Variants in RAD50 observed in about 807,000 individuals in gnomAD.
RAD50 encodes the protein RAD50 double strand break repair protein.
Under a neutral mutation model 168.8 loss-of-function variants are expected in RAD50, and 132 were observed. The ratio of observed to expected loss-of-function variants is 0.78; its 90% CI spans 0.68 to 0.90. RAD50 has a LOEUF of 0.90. Ranked by LOEUF, RAD50 falls within the 40% of genes least tolerant of loss-of-function variation. The pLI, the probability that RAD50 is intolerant of heterozygous loss-of-function variation, is 0.00. For synonymous variants in RAD50, 525 were observed against 497.4 expected, an observed-to-expected ratio of 1.06 and a Z score of -0.74; for missense variants, 1,347 against 1,534.4, an observed-to-expected ratio of 0.88 and a Z score of 2.04.
chr5:132,621,071 CTACTT>C (rs1382244267), intron 21 of RAD50, among the ~76,000 whole-genome samples: 7 of 152,002 alleles, frequency 4.6e-5, no homozygotes, highest in African/African-American at 1.7e-4. Context: ...CGGTTGTATT[CTACTT>C]TAGTTATTTG....
At chr5:132,575,014 C>T (rs533098027) in intron 2 of RAD50, among the ~76,000 whole-genome samples, 20 of 152,330 alleles carry the variant, frequency 1.3e-4, no homozygotes, top group African/African-American at 4.6e-4. Flanking sequence ...GCCTTCTAAA[C>T]TGTTCCATCC....
At chr5:132,600,539 C>T (rs907312682) in intron 13 of RAD50, among the ~76,000 whole-genome samples, 3 of 152,168 alleles carry the variant, frequency 2.0e-5, no homozygotes, top group Admixed American at 6.5e-5. Context: ...GCCTCAAATT[C>T]GCCAGTATCT....
In RAD50 at chr5:132,588,626, A is replaced by G; in HGVS notation, c.1052-61A>G. ...TATTTTTTATAACTCGTGAATCTGC[A>G]GCTATCTCAACTTTTTAAGCACCAG... On this transcript the variant is annotated intron_variant, in intron 7 of 24. Coordinates refer to ENST00000378823, the MANE Select transcript of RAD50 (RefSeq NM_005732.4). 3 of 1,457,536 alleles carry G rather than the reference A, an allele frequency of 2.1e-6. No homozygotes were observed. In the South Asian group the frequency reaches 3.6e-5, roughly 18 times the overall value. 90.3% of individuals were successfully genotyped at this position (1,457,536 alleles called of 1,614,324 possible).
intron 11 of RAD50, among the ~76,000 whole-genome samples, chr5:132,594,555 C>G (rs1750755808): frequency 6.6e-6 from 1 of 152,098 alleles, no homozygotes; most frequent in African/African-American, 2.4e-5. Context: ...TTCTTTCTGT[C>G]CAATAGTCCT....
At position 132,579,512 on chromosome 5, in the gene RAD50, C is replaced by G; in HGVS notation, c.551+10C>G. ...TTTTTTCAGCAACAAGGTTTGTAAC[C>G]CTTAAATAGACTTTGTAGTCCATTA... On this transcript the variant is annotated intron_variant, in intron 4 of 24. Coordinates refer to ENST00000378823, the MANE Select transcript of RAD50 (RefSeq NM_005732.4). 1 of 1,605,262 alleles carries G rather than the reference C, an allele frequency of 6.2e-7. No homozygotes were observed. Among genetic ancestry groups the G allele is most frequent in the South Asian group, 1.1e-5 (1 of 90,766 alleles).
intron 2 of RAD50, among the ~76,000 whole-genome samples, chr5:132,569,535 A>G (rs1443066414): frequency 6.7e-6 from 1 of 150,128 alleles, no homozygotes; most frequent in Admixed American, 6.6e-5. Context: ...CTGCAAGGTC[A>G]ATTGGAGATC....
rs114442990 is a variant in RAD50 at position 132,586,591 on chromosome 5, C to G, written c.757-971C>G. 3.8e-3 allele frequency among the ~76,000 whole-genome samples: 574 copies of G among 152,224 alleles called. 1 individual carries two copies. Among genetic ancestry groups the G allele is most frequent in the African/African-American group, 0.013 (529 of 41,546 alleles). On this transcript the variant is annotated intron_variant, in intron 5 of 24. Coordinates refer to ENST00000378823, the MANE Select transcript of RAD50 (RefSeq NM_005732.4). Reference sequence around the variant, plus strand: ...TTTACGTTCATATACAAATCACAAGCTATACTATTAGTATAATTTTAATAA... The same window carrying G: ...TTTACGTTCATATACAAATCACAAGGTATACTATTAGTATAATTTTAATAA...
intron 13 of RAD50, among the ~76,000 whole-genome samples, chr5:132,596,323 A>G (rs914334683): frequency 6.6e-6 from 1 of 152,176 alleles, no homozygotes; most frequent in African/African-American, 2.4e-5. Flanking sequence ...ACTATGAGGT[A>G]GACACAGTCT....
chr5:132,604,161 T>C, intron 15 of RAD50, 115 bp downstream of exon 15: 1 of 1,292,686 alleles, frequency 7.7e-7, no homozygotes, highest in Non-Finnish European at 1.1e-6. Flanking sequence ...CCTGTCCACA[T>C]ATATTTGCTC....
At position 132,604,932 on chromosome 5, in the gene RAD50, G is replaced by A. The variant is rs558302979; in HGVS notation, c.2651G>A (p.Arg884His). The A allele has an allele frequency of 3.1e-4, 505 of 1,613,926 alleles. 11 individuals are homozygous for A. The South Asian group carries it at 5.1e-3, about 16-fold the overall frequency. ...KLQISTNLQRRQQLEEQTVEL... is the reference protein window; with the variant it reads ...KLQISTNLQRHQQLEEQTVEL... ...CAGATATCCACTAATTTGCAACGTCGTCAGCAACTGGAGGAGCAGACTGTG... is the reference window on the plus strand; with the variant it reads ...CAGATATCCACTAATTTGCAACGTCATCAGCAACTGGAGGAGCAGACTGTG... The change falls in exon 16 of 25, where the codon CGT becomes CAT. Residue 884 changes from arginine (R) to histidine (H), a missense_variant. Arg to His is a conservative substitution (Grantham distance 29). Coordinates refer to ENST00000378823, the MANE Select transcript of RAD50 (RefSeq NM_005732.4).
At chr5:132,639,161 A>G (rs1751659940) in intron 23 of RAD50, among the ~76,000 whole-genome samples, 7 of 152,038 alleles carry the variant, frequency 4.6e-5, no homozygotes. Flanking sequence ...GTTCGAGACC[A>G]GCCTAACATG....
rs1331523887 is a variant in RAD50, at chr5:132,595,027, A to C, written c.1952A>C (p.Lys651Thr). ...DLDRLKEEIE[K>T]SSKQRAMLAG... is the part of the protein sequence containing the mutation. ...GACAGGCTTAAAGAGGAAATTGAAA[A>C]ATCATCAAAACAGCGAGGTAAGTTG... Residue 651 changes from lysine (K) to threonine (T), a missense_variant, in exon 12 of 25, where the codon AAA (lysine) becomes ACA (threonine). This residue lies in a region of RAD50 where 703 missense variants were observed against 767.7 expected (regional missense o/e 0.92). Coordinates refer to ENST00000378823, the MANE Select transcript of RAD50 (RefSeq NM_005732.4). 1 of 1,613,282 alleles carries C rather than the reference A, an allele frequency of 6.2e-7. No homozygotes were observed. The highest frequency in any genetic ancestry group is 1.1e-5 in the South Asian group (1 of 91,068).
intron 23 of RAD50, 120 bp downstream of exon 23, chr5:132,638,343 A>T: frequency 8.5e-7 from 1 of 1,177,996 alleles, no homozygotes; most frequent in East Asian, 2.5e-5. Context: ...CTTTGCTGCT[A>T]TATAAAATGA....
rs112353614 is a variant in RAD50, at chr5:132,577,702, A to T, written c.366-1615A>T. ...AATCACATTCTTATCCATTGCTCAA[A>T]CTACTCTGTGTTCATAGATGACTCA... On this transcript the variant is annotated intron_variant, in intron 3 of 24. Coordinates refer to ENST00000378823, the MANE Select transcript of RAD50 (RefSeq NM_005732.4). Among the ~76,000 whole-genome samples the T allele has an allele frequency of 2.1e-3, 326 of 151,762 alleles. 3 individuals are homozygous for T. Among genetic ancestry groups the T allele is most frequent in the African/African-American group, 7.0e-3 (288 of 41,302 alleles).
chr5:132,630,178 G>A (rs1751438606), intron 21 of RAD50, among the ~76,000 whole-genome samples: 2 of 152,156 alleles, frequency 1.3e-5, no homozygotes, highest in South Asian at 4.2e-4. Flanking sequence ...AAGTAGCTGG[G>A]ATTACAGGCG....
intron 3 of RAD50, among the ~76,000 whole-genome samples, chr5:132,578,353 A>G (rs1316026364): frequency 6.6e-6 from 1 of 152,062 alleles, no homozygotes; most frequent in Non-Finnish European, 1.5e-5. Context: ...TATGAATTTA[A>G]TCTAAATGTC....
chr5:132,570,613 C>T (rs1269295184), intron 2 of RAD50, among the ~76,000 whole-genome samples: 2 of 152,212 alleles, frequency 1.3e-5, no homozygotes, highest in Non-Finnish European at 2.9e-5. Context: ...TTCTCTCAGC[C>T]TTCATAGAAT....
intron 21 of RAD50, among the ~76,000 whole-genome samples, chr5:132,633,208 G>A (rs1205811136): frequency 6.7e-6 from 1 of 149,188 alleles, no homozygotes; most frequent in Non-Finnish European, 1.5e-5. Context: ...GGGTTGAAGC[G>A]ATTCTCCTGC....
chr5:132,584,392 G>A (rs1277581033), intron 5 of RAD50, among the ~76,000 whole-genome samples: 1 of 152,028 alleles, frequency 6.6e-6, no homozygotes, highest in Non-Finnish European at 1.5e-5. Context: ...TGAGTTCTTT[G>A]TAGATTCTGG....
Sources: gnomAD v4.1 joint callset for allele counts (sites outside exome capture counted in the v4.1 genomes callset) on GRCh38, gnomAD v4.1.1 for gene constraint, gnomAD v4.1.1 regional missense constraint, MANE v1.5 for transcripts, NCBI Gene and HGNC (gene_info 2026-07-23, HGNC 2026-07-21) for gene names.